Variants in ECPAS observed in about 807,000 individuals in gnomAD.
The protein encoded by ECPAS is Ecm29 proteasome adaptor and scaffold.
In ECPAS, 70 loss-of-function variants were observed where a neutral mutation model predicts 255.1. The ratio of observed to expected loss-of-function variants is 0.27; its 90% CI spans 0.23 to 0.33. The LOEUF (loss-of-function observed/expected upper bound fraction) is 0.33. ECPAS is among the 10% of genes least tolerant of loss of function. The probability of loss-of-function intolerance (pLI) is 1.00; values close to 1 mark genes in which losing one functional copy is unlikely to be tolerated. For synonymous variants in ECPAS, 784 were observed against 775.0 expected, an observed-to-expected ratio of 1.01 and a Z score of -0.19; for missense variants, 1,817 against 2,206.4, an observed-to-expected ratio of 0.82 and a Z score of 3.54.
intron 10 of ECPAS, 131 bp from the exon 11 acceptor site, chr9:111,425,959 T>G: frequency 1.9e-6 from 1 of 514,564 alleles, no homozygotes; most frequent in Non-Finnish European, 3.4e-6. Flanking sequence ...CAGATACACA[T>G]TATTAGCTGA....
chr9:111,436,922 G>T lies in ECPAS; in HGVS notation c.708+18C>A. ...TGTCCACAATCAACTACTATTATGA[G>T]CAAGCCTTGTGTGATACCTGTTCCA... On this transcript the variant is annotated intron_variant, in intron 7 of 49. Coordinates refer to ENST00000684092, the MANE Select transcript of ECPAS (RefSeq NM_001364929.1). The T allele has an allele frequency of 6.3e-7, 1 of 1,576,718 alleles. No homozygotes were observed. Among genetic ancestry groups the T allele is most frequent in the Non-Finnish European group, 8.6e-7 (1 of 1,163,794 alleles).
rs188364143 is a variant in ECPAS at position 111,463,190 on chromosome 9, G to A, written c.22+9707C>T. ...AGGGCTCTGCTCACTACAGTCGGCT[G>A]ATAGAGCCAACACCATCTCAAACAC... On this transcript the variant is annotated intron_variant, in intron 2 of 49. Coordinates refer to ENST00000684092, the MANE Select transcript of ECPAS (RefSeq NM_001364929.1). 9.5e-4 allele frequency among the ~76,000 whole-genome samples: 145 copies of A among 152,302 alleles called. 1 individual carries two copies. Among genetic ancestry groups the A allele is most frequent in the African/African-American group, 2.8e-3 (118 of 41,570 alleles).
At chr9:111,373,688 G>T (rs1008312859) in intron 39 of ECPAS, among the ~76,000 whole-genome samples, 1 of 152,164 alleles carries the variant, frequency 6.6e-6, no homozygotes, top group Non-Finnish European at 1.5e-5. Flanking sequence ...AAATGCTGAT[G>T]TAAAATCAGC....
At chr9:111,455,345 G>A (rs2098265580) in intron 2 of ECPAS, among the ~76,000 whole-genome samples, 1 of 152,162 alleles carries the variant, frequency 6.6e-6, no homozygotes, top group South Asian at 2.1e-4. Flanking sequence ...TTAGCCGGGC[G>A]TGGTGGCGGG....
chr9:111,400,089 G>A (rs985623437), intron 24 of ECPAS, among the ~76,000 whole-genome samples: 1 of 152,228 alleles, frequency 6.6e-6, no homozygotes, highest in Non-Finnish European at 1.5e-5. Context: ...AGAGAGGGAA[G>A]AGAGCAAGAA....
intron 4 of ECPAS, among the ~76,000 whole-genome samples, chr9:111,443,422 TG>T (rs1191593619): frequency 6.6e-6 from 1 of 152,084 alleles, no homozygotes; most frequent in Non-Finnish European, 1.5e-5. Context: ...AGCTAATTTT[TG>T]TATTTTTAGT....
chr9:111,440,980 G>A (rs766455472), intron 5 of ECPAS, among the ~76,000 whole-genome samples: 5 of 151,228 alleles, frequency 3.3e-5, no homozygotes, highest in African/African-American at 7.3e-5. Flanking sequence ...GTGAAACCCC[G>A]TCTCTACTAA....
intron 9 of ECPAS, among the ~76,000 whole-genome samples, chr9:111,429,667 C>G (rs1353568865): frequency 1.6e-4 from 24 of 152,114 alleles, no homozygotes; most frequent in Non-Finnish European, 3.5e-4. Flanking sequence ...CTAATCTAAC[C>G]AGGGCTAATA....
intron 21 of ECPAS, chr9:111,411,576 T>C (rs1317382861): frequency 5.7e-6 from 1 of 176,076 alleles, no homozygotes; most frequent in Non-Finnish European, 1.2e-5. Context: ...AAACACAAGG[T>C]AACCAACAAA....
chr9:111,413,963 A>G lies in ECPAS; in HGVS notation c.2011T>C (p.Leu671=), dbSNP rs1397351103. 2 of 1,586,730 alleles carry G rather than the reference A, an allele frequency of 1.3e-6. No individual in the cohort carries two copies. Among genetic ancestry groups the G allele is most frequent in the Non-Finnish European group, 1.7e-6 (2 of 1,165,192 alleles). Residue 671 remains leucine (L), a synonymous_variant, in exon 20 of 50, where the codon TTG becomes CTG. Transcript: ENST00000684092. ...VGGLPVMYCL[L]EAVSVYPEKL... ...TCTGGATACACTGACACAGCTTCCA[A>G]TAGACAGTACATAACCGGCAAACCT... is the stretch of plus-strand genomic sequence containing the variant.
chr9:111,393,642 G>A, intron 27 of ECPAS, 38 bp downstream of exon 27: 1 of 1,303,754 alleles, frequency 7.7e-7, no homozygotes, highest in Non-Finnish European at 1.1e-6. Flanking sequence ...TAAAATACAA[G>A]TTCAATTAAG....
chr9:111,441,504 C>CA (rs201708608), intron 5 of ECPAS, among the ~76,000 whole-genome samples: 100 of 142,792 alleles, frequency 7.0e-4, no homozygotes, highest in East Asian at 2.2e-3. Flanking sequence ...GACTCTGTCT[C>CA]AAAAAAAAAA....
chr9:111,454,739 C>T (rs2098264760), intron 2 of ECPAS, among the ~76,000 whole-genome samples: 1 of 147,048 alleles, frequency 6.8e-6, no homozygotes, highest in South Asian at 2.1e-4. Flanking sequence ...AAGACAGGGT[C>T]TTGCTGACAC....
At chr9:111,385,907 A>G (rs2098147569) in intron 32 of ECPAS, among the ~76,000 whole-genome samples, 1 of 152,380 alleles carries the variant, frequency 6.6e-6, no homozygotes, top group South Asian at 2.1e-4. Flanking sequence ...AAACAGTTAA[A>G]GAAAAATAAC....
rs141517725 is a variant in ECPAS at position 111,468,689 on chromosome 9, C to CGTGTGTGTGTGTGTGTGTGTGTGTGTGT, written c.22+4207_22+4208insACACACACACACACACACACACACACAC. 4.3e-3 allele frequency among the ~76,000 whole-genome samples: 642 copies of CGTGTGTGTGTGTGTGTGTGTGTGTGTGT among 149,998 alleles called. 5 individuals carry two copies. Among genetic ancestry groups the CGTGTGTGTGTGTGTGTGTGTGTGTGTGT allele is most frequent in the East Asian group, 0.016 (79 of 5,010 alleles). On this transcript the variant is annotated intron_variant, in intron 2 of 49. Transcript: ENST00000684092. ...TGTGTGTTTCATGTCCAAGCTCAAA[C>CGTGTGTGTGTGTGTGTGTGTGTGTGTGT]GTGTGTGTGTGTGTGTTTCACGTCC...
intron 27 of ECPAS, 61 bp from the exon 28 acceptor site, chr9:111,392,943 A>C: frequency 8.6e-7 from 1 of 1,161,214 alleles, no homozygotes; most frequent in East Asian, 2.4e-5. Flanking sequence ...CTTGCTATGA[A>C]ATCAAAATTT....
chr9:111,474,003 T>C (rs916887510), intron 1 of ECPAS, among the ~76,000 whole-genome samples: 7 of 152,052 alleles, frequency 4.6e-5, no homozygotes, highest in Non-Finnish European at 7.4e-5. Context: ...ATCTTGTAAG[T>C]TTTATTATCT....
At chr9:111,392,584 A>G (rs960192762) in intron 28 of ECPAS, among the ~76,000 whole-genome samples, 184 bp downstream of exon 28, 6 of 152,312 alleles carry the variant, frequency 3.9e-5, no homozygotes, top group Non-Finnish European at 8.8e-5. Context: ...GCATGCTCCT[A>G]AAGTTAACAG....
chr9:111,453,806 C>A (rs1002781620), intron 2 of ECPAS, among the ~76,000 whole-genome samples: 1 of 151,950 alleles, frequency 6.6e-6, no homozygotes, highest in Non-Finnish European at 1.5e-5. Flanking sequence ...AGACACCTGG[C>A]CAGTACTGCT....
Sources: gnomAD v4.1 joint callset for allele counts (sites outside exome capture counted in the v4.1 genomes callset) on GRCh38, gnomAD v4.1.1 for gene constraint, MANE v1.5 for transcripts, NCBI Gene and HGNC (gene_info 2026-07-23, HGNC 2026-07-21) for gene names.